Variants in RIMS1 observed in about 807,000 individuals in gnomAD.
RIMS1 encodes regulating synaptic membrane exocytosis 1.
A neutral mutation model predicts 214.1 loss-of-function variants in RIMS1; 83 were observed. The ratio of observed to expected loss-of-function variants is 0.39; its 90% CI spans 0.32 to 0.47. The LOEUF is 0.47. Ranked by LOEUF, RIMS1 falls within the 20% of genes least tolerant of loss-of-function variation. The pLI is 0.99. For missense variants in RIMS1, 2,050 were observed against 2,161.8 expected (o/e 0.95, Z 1.03); for synonymous variants, 793 against 786.8 (o/e 1.01, Z -0.13).
At chr6:71,969,397 T>C (rs966523995) in intron 2 of RIMS1, among the ~76,000 whole-genome samples, 3 of 152,196 alleles carry the variant, frequency 2.0e-5, no homozygotes, top group Admixed American at 6.5e-5. Flanking sequence ...CAGAGAAGTA[T>C]GGAGGCAAGA....
intron 2 of RIMS1, among the ~76,000 whole-genome samples, chr6:72,058,167 A>G (rs1826862894): frequency 6.6e-6 from 1 of 152,198 alleles, no homozygotes; most frequent in Non-Finnish European, 1.5e-5. Context: ...GTATATAGAG[A>G]AAAGACTTCA....
rs192825310 is a variant in RIMS1 at position 72,268,331 on chromosome 6, G to C, written c.3398+2282G>C. Among the ~76,000 whole-genome samples the C allele has an allele frequency of 3.9e-5, 6 of 152,020 alleles. No homozygotes were observed. The East Asian group carries it at 1.2e-3, about 29-fold the overall frequency. On this transcript the variant is annotated intron_variant, in intron 22 of 33. Coordinates refer to ENST00000521978, the MANE Select transcript of RIMS1 (RefSeq NM_014989.7). ...ACTTAATTTTTCTAATTTACCGCAG[G>C]GATTATTGTATTAATGCCTAATATA...
intron 4 of RIMS1, among the ~76,000 whole-genome samples, chr6:72,136,721 T>A (rs1212057178): frequency 6.6e-6 from 1 of 152,166 alleles, no homozygotes; most frequent in East Asian, 1.9e-4. Flanking sequence ...ACCAAAAAAA[T>A]CTAACAACAT....
At chr6:72,265,175 A>G in intron 20 of RIMS1, 123 bp downstream of exon 20, 1 of 650,658 alleles carries the variant, frequency 1.5e-6, no homozygotes, top group South Asian at 2.3e-5. Context: ...CTAATAAAAT[A>G]TTCTTTTGAA....
intron 6 of RIMS1, among the ~76,000 whole-genome samples, chr6:72,209,857 C>T (rs909167422): frequency 5.5e-5 from 8 of 146,298 alleles, no homozygotes; most frequent in Non-Finnish European, 7.5e-5. Context: ...GCTGAGATCA[C>T]GCCACTGCAC....
At chr6:71,999,965 ACT>A (rs1804632913) in intron 2 of RIMS1, among the ~76,000 whole-genome samples, 1 of 151,924 alleles carries the variant, frequency 6.6e-6, no homozygotes, top group Non-Finnish European at 1.5e-5. Flanking sequence ...AGATTGAAAT[ACT>A]CTCTACCAGA....
At chr6:72,142,289 G>A (rs1321861280) in intron 4 of RIMS1, among the ~76,000 whole-genome samples, 2 of 151,966 alleles carry the variant, frequency 1.3e-5, no homozygotes, top group Non-Finnish European at 2.9e-5. Flanking sequence ...TCCAAAGATG[G>A]TGATTCCCCC....
intron 4 of RIMS1, among the ~76,000 whole-genome samples, chr6:72,128,238 C>G (rs948969075): frequency 6.6e-6 from 1 of 151,952 alleles, no homozygotes; most frequent in Non-Finnish European, 1.5e-5. Flanking sequence ...TCTTATTTAA[C>G]CTTAAAAAAG....
At position 71,887,125 on chromosome 6, in the gene RIMS1, C is replaced by T; in HGVS notation, c.102C>T (p.Asn34=). Residue 34 remains asparagine, a synonymous_variant, in exon 1 of 34, where the codon AAC becomes AAT. Transcript: ENST00000521978. ...GCCACCTGACCGAAGAGGAGAGGAA[C>T]ATTATCATGGCAGTGATGGACCGGC... ...DLSHLTEEER[N]IIMAVMDRQK... 6.2e-7 allele frequency: 1 copy of T among 1,613,422 alleles called. No individual in the cohort carries two copies. The highest frequency in any genetic ancestry group is 8.5e-7 in the Non-Finnish European group (1 of 1,179,648).
intron 2 of RIMS1, among the ~76,000 whole-genome samples, chr6:71,984,815 A>G (rs1345862957): frequency 4.5e-5 from 6 of 132,084 alleles, no homozygotes; most frequent in African/African-American, 5.5e-5. Context: ...CTATCTATCT[A>G]TCTATTATGT....
chr6:72,342,626 G>GGT (rs113847815), intron 29 of RIMS1, among the ~76,000 whole-genome samples: 6,847 of 145,896 alleles, frequency 0.047, 264 homozygotes, highest in African/African-American at 0.11. Flanking sequence ...GAGTAAGATG[G>GGT]GTGTGTGTGT....
intron 2 of RIMS1, among the ~76,000 whole-genome samples, chr6:71,974,008 G>T (rs1796542075): frequency 1.3e-5 from 2 of 152,134 alleles, no homozygotes; most frequent in South Asian, 4.1e-4. Flanking sequence ...TGGCATATCT[G>T]GGGAGGTGTT....
At chr6:72,196,411 C>A (rs2050929240) in intron 6 of RIMS1, among the ~76,000 whole-genome samples, 1 of 151,336 alleles carries the variant, frequency 6.6e-6, no homozygotes, top group Non-Finnish European at 1.5e-5. Flanking sequence ...ATCTATCTAT[C>A]TATCTATCTA....
At chr6:72,074,520 C>T (rs1831316171) in intron 2 of RIMS1, among the ~76,000 whole-genome samples, 1 of 151,984 alleles carries the variant, frequency 6.6e-6, no homozygotes, top group African/African-American at 2.4e-5. Context: ...AAAAAATTAG[C>T]CGGACGTGGT....
intron 6 of RIMS1, among the ~76,000 whole-genome samples, chr6:72,213,611 T>A (rs2054372379): frequency 6.6e-6 from 1 of 152,206 alleles, no homozygotes; most frequent in Admixed American, 6.5e-5. Context: ...TGCTTTACTA[T>A]CTCATACAAA....
chr6:72,360,490 A>G (rs935671929), intron 29 of RIMS1, among the ~76,000 whole-genome samples: 4 of 152,118 alleles, frequency 2.6e-5, no homozygotes, highest in African/African-American at 7.2e-5. Flanking sequence ...GGATAAATCT[A>G]TCATTTCCAT....
At chr6:71,971,959 T>A (rs1208072733) in intron 2 of RIMS1, among the ~76,000 whole-genome samples, 1 of 152,130 alleles carries the variant, frequency 6.6e-6, no homozygotes, top group Admixed American at 6.5e-5. Context: ...CTGTAAGTTA[T>A]CCAAGCATAT....
chr6:71,890,857 A>G (rs187243982), intron 1 of RIMS1, among the ~76,000 whole-genome samples: 82 of 144,680 alleles, frequency 5.7e-4, no homozygotes, highest in Admixed American at 2.3e-3. Context: ...ACCAAATAAT[A>G]TAATTCTCAC....
At chr6:72,299,153 G>C (rs1322097209) in intron 26 of RIMS1, among the ~76,000 whole-genome samples, 1 of 151,846 alleles carries the variant, frequency 6.6e-6, no homozygotes, top group Non-Finnish European at 1.5e-5. Context: ...GATCAAAACT[G>C]AACCAGAAAT....
Sources: gnomAD v4.1 joint callset for allele counts (sites outside exome capture counted in the v4.1 genomes callset) on GRCh38, gnomAD v4.1.1 for gene constraint, MANE v1.5 for transcripts, NCBI Gene and HGNC (gene_info 2026-07-23, HGNC 2026-07-21) for gene names.